Variants in SLC5A11 observed in about 807,000 individuals in gnomAD.
SLC5A11 encodes the protein sodium/myo-inositol cotransporter 2.
SLC5A11 carries 48 observed loss-of-function variants against 69.8 expected under a neutral mutation model. The ratio of observed to expected loss-of-function variants is 0.69; its 90% confidence interval spans 0.55 to 0.87. The LOEUF is 0.87. Among genes scored for constraint, SLC5A11 ranks in the 40% least tolerant of loss-of-function variants. The pLI is 0.00. For missense variants in SLC5A11, 784 were observed against 866.1 expected (o/e 0.91, Z 1.19); for synonymous variants, 319 against 342.4 (o/e 0.93, Z 0.75).
exon 15 of SLC5A11, chr16:24,910,427 G>A: frequency 1.2e-6 from 2 of 1,614,138 alleles, no homozygotes; most frequent in Non-Finnish European, 1.7e-6. Context: ...AGCAGCAGCA[G>A]CAGCGTCCAG....
intron 9 of SLC5A11, among the ~76,000 whole-genome samples, chr16:24,893,010 C>T (rs2048915383): frequency 6.6e-6 from 1 of 151,702 alleles, no homozygotes; most frequent in Admixed American, 6.6e-5. Flanking sequence ...GTGGCTCATG[C>T]CTGTAATCCC....
chr16:24,891,118 C>G (rs752018160), intron 9 of SLC5A11, 44 bp downstream of exon 10: 18 of 1,589,610 alleles, frequency 1.1e-5, no homozygotes, highest in Non-Finnish European at 1.6e-5. Context: ...CTCTTTGCTT[C>G]TTTCCTTAGG....
At chr16:24,860,489 G>A (rs1189090710) in intron 2 of SLC5A11, among the ~76,000 whole-genome samples, 1 of 140,110 alleles carries the variant, frequency 7.1e-6, no homozygotes, top group South Asian at 2.3e-4. Context: ...TCTGTACACT[G>A]TTTGGGAGTG....
chr16:24,905,084 C>T (rs984794659), intron 10 of SLC5A11, among the ~76,000 whole-genome samples: 1 of 151,638 alleles, frequency 6.6e-6, no homozygotes, highest in African/African-American at 2.4e-5. Flanking sequence ...ATGATGGTTT[C>T]CAGCTTCATC....
intron 1 of SLC5A11, among the ~76,000 whole-genome samples, chr16:24,851,112 A>G (rs115701119): frequency 5.6e-4 from 85 of 151,464 alleles, no homozygotes; most frequent in African/African-American, 2.0e-3. Context: ...CACCCGGCCT[A>G]GTTTATGCTC....
chr16:24,877,337 C>G, exon 7 of SLC5A11: 1 of 1,614,008 alleles, frequency 6.2e-7, no homozygotes, highest in Non-Finnish European at 8.5e-7. Flanking sequence ...GGGCTACTGG[C>G]CATCACTGCT....
intron 10 of SLC5A11, among the ~76,000 whole-genome samples, chr16:24,902,282 A>G (rs952709205): frequency 6.6e-6 from 1 of 152,078 alleles, no homozygotes; most frequent in African/African-American, 2.4e-5. Flanking sequence ...AAAGTACATC[A>G]TAGAGCCAAT....
At chr16:24,871,583 C>T (rs894285584) in intron 4 of SLC5A11, among the ~76,000 whole-genome samples, 2 of 152,010 alleles carry the variant, frequency 1.3e-5, no homozygotes, top group African/African-American at 4.8e-5. Context: ...GGGCAAGTTT[C>T]TTAACCTCTC....
chr16:24,870,923 G>T (rs2152300891), intron 4 of SLC5A11, among the ~76,000 whole-genome samples: 1 of 151,990 alleles, frequency 6.6e-6, no homozygotes, highest in Non-Finnish European at 1.5e-5. Flanking sequence ...AAATTTTACA[G>T]CTCAGTAGTT....
chr16:24,883,826 A>C (rs1423260151), intron 7 of SLC5A11, among the ~76,000 whole-genome samples: 1 of 152,238 alleles, frequency 6.6e-6, no homozygotes, highest in East Asian at 1.9e-4. Context: ...GGCCAAGCCC[A>C]TGTGAGAAGC....
intron 1 of SLC5A11, among the ~76,000 whole-genome samples, chr16:24,854,955 TTG>T (rs34966155): frequency 2.7e-5 from 4 of 150,816 alleles, no homozygotes; most frequent in African/African-American, 4.9e-5. Flanking sequence ...TAGGTTAGCC[TTG>T]TGTGTGTGTG....
At chr16:24,909,662 A>C (rs1482028694) in intron 14 of SLC5A11, among the ~76,000 whole-genome samples, 1 of 141,922 alleles carries the variant, frequency 7.0e-6, no homozygotes, top group South Asian at 2.3e-4. Context: ...AAAAAAAAAA[A>C]AAAAGGAAAA....
At chr16:24,887,166 TATTCTGAACCATGCA>T (rs2048449578) in intron 8 of SLC5A11, among the ~76,000 whole-genome samples, 1 of 152,154 alleles carries the variant, frequency 6.6e-6, no homozygotes, top group African/African-American at 2.4e-5. Context: ...GCTGCAGAAA[TATTCTGAACCATGCA>T]AAGACTTAGT....
At chr16:24,858,696 C>A (rs777735832) in exon 2 of SLC5A11, 4 of 1,611,454 alleles carry the variant, frequency 2.5e-6, no homozygotes, top group Non-Finnish European at 3.4e-6. Flanking sequence ...CCCCTGGATG[C>A]GTTTCCCCAG....
Position 24,901,928 on chromosome 16 carries a change from A to AC in SLC5A11, c.1006+3819_1006+3820insC, listed in dbSNP as rs1299968265. Among the ~76,000 whole-genome samples the AC allele has an allele frequency of 3.1e-3, 372 of 120,504 alleles. 2 individuals are homozygous for AC. Among genetic ancestry groups the AC allele is most frequent in the African/African-American group, 0.011 (354 of 30,934 alleles). 79.1% of individuals were successfully genotyped at this position (120,504 alleles called of 152,430 possible). On this transcript the variant is annotated intron_variant, in intron 10 of 15. Transcript: ENST00000347898. ...GGCAAGATCCCATCTCTGGAAAAAA[A>AC]AATACACACACACACACACACACAC...
chr16:24,890,076 A>T (rs2048674326), intron 8 of SLC5A11, among the ~76,000 whole-genome samples: 1 of 152,212 alleles, frequency 6.6e-6, no homozygotes, highest in South Asian at 2.1e-4. Context: ...TTATTAGCAC[A>T]CACAGGGGAG....
chr16:24,857,261 A>G (rs2059577373), intron 1 of SLC5A11, among the ~76,000 whole-genome samples: 1 of 152,226 alleles, frequency 6.6e-6, no homozygotes, highest in South Asian at 2.1e-4. Context: ...GCAAGGATCA[A>G]GTATTTTCAT....
At chr16:24,886,260 C>T (rs958306124) in intron 8 of SLC5A11, among the ~76,000 whole-genome samples, 4 of 152,084 alleles carry the variant, frequency 2.6e-5, no homozygotes, top group African/African-American at 9.7e-5. Context: ...GTCTCCATCT[C>T]TTGACCTCAT....
At chr16:24,903,635 C>T (rs113717324) in intron 10 of SLC5A11, among the ~76,000 whole-genome samples, 5,569 of 152,246 alleles carry the variant, frequency 0.037, 137 homozygotes, top group African/African-American at 0.067. Flanking sequence ...TTTCACTTAA[C>T]ATAATATTCT....
Sources: allele counts gnomAD v4.1 joint callset (sites outside exome capture counted in the v4.1 genomes callset), GRCh38; gene constraint gnomAD v4.1.1; transcripts MANE v1.5; gene names NCBI Gene and HGNC (gene_info 2026-07-23, HGNC 2026-07-21).